DLG2: variants seen among roughly 807,000 people sequenced by gnomAD.
DLG2 encodes discs large MAGUK scaffold protein 2.
In DLG2, 45 loss-of-function variants were observed where a neutral mutation model predicts 132.5. The ratio of observed to expected loss-of-function variants is 0.34; its 90% CI spans 0.27 to 0.44. DLG2 has a LOEUF of 0.44. Among genes scored for constraint, DLG2 ranks in the 20% least tolerant of loss-of-function variants. The pLI is 1.00. For synonymous variants in DLG2, 424 were observed against 419.6 expected, an observed-to-expected ratio of 1.01 and a Z score of -0.13; for missense variants, 1,045 against 1,196.9, an observed-to-expected ratio of 0.87 and a Z score of 1.87.
At chr11:83,904,924 G>T (rs1415693410) in intron 15 of DLG2, among the ~76,000 whole-genome samples, 1 of 152,106 alleles carries the variant, frequency 6.6e-6, no homozygotes, top group Admixed American at 6.6e-5. Context: ...CAGGAGTGAA[G>T]AATCTTCTGT....
intron 6 of DLG2, among the ~76,000 whole-genome samples, chr11:84,673,585 C>A (rs2099708257): frequency 7.1e-6 from 1 of 141,146 alleles, no homozygotes. Flanking sequence ...ACAAAACATC[C>A]AAAAGCCCTA....
At chr11:84,191,801 G>C (rs577877471) in intron 8 of DLG2, among the ~76,000 whole-genome samples, 1 of 152,134 alleles carries the variant, frequency 6.6e-6, no homozygotes, top group African/African-American at 2.4e-5. Flanking sequence ...AGAAAGTGGA[G>C]TGGTAGGGAG....
chr11:85,233,841 T>C (rs769615943), intron 4 of DLG2, among the ~76,000 whole-genome samples: 1 of 151,854 alleles, frequency 6.6e-6, no homozygotes, highest in Non-Finnish European at 1.5e-5. Flanking sequence ...CAATTAGGTA[T>C]TGAGAATGGG....
chr11:83,777,265 C>T (rs1243186333), intron 18 of DLG2, among the ~76,000 whole-genome samples: 1 of 152,176 alleles, frequency 6.6e-6, no homozygotes, highest in Non-Finnish European at 1.5e-5. Context: ...AAGAGATTAT[C>T]TTGAAACAAA....
intron 18 of DLG2, among the ~76,000 whole-genome samples, chr11:83,694,994 A>G (rs768435404): frequency 8.5e-5 from 13 of 152,212 alleles, no homozygotes; most frequent in African/African-American, 1.7e-4. Context: ...ATGCTGATAC[A>G]TTATCCCATG....
At chr11:84,349,226 C>T (rs984399602) in intron 7 of DLG2, among the ~76,000 whole-genome samples, 1 of 152,144 alleles carries the variant, frequency 6.6e-6, no homozygotes, top group East Asian at 1.9e-4. Flanking sequence ...ATTAGTAAAG[C>T]CAGAAGTAGG....
chr11:83,954,577 G>T (rs1043849601), intron 14 of DLG2, among the ~76,000 whole-genome samples: 2 of 152,110 alleles, frequency 1.3e-5, no homozygotes, highest in Non-Finnish European at 2.9e-5. Flanking sequence ...AGAGACATTT[G>T]TTCATGAACC....
intron 6 of DLG2, among the ~76,000 whole-genome samples, chr11:84,657,460 C>A (rs183348710): frequency 1.2e-4 from 19 of 152,216 alleles, no homozygotes; most frequent in Non-Finnish European, 1.6e-4. Flanking sequence ...CACATTGGAC[C>A]AGAAGTCCTC....
intron 24 of DLG2, 43 bp downstream of exon 24, chr11:83,471,583 A>C: frequency 7.1e-7 from 1 of 1,413,482 alleles, no homozygotes; most frequent in Non-Finnish European, 1.0e-6. Context: ...AAGAAATCCA[A>C]GCTCTTTTTG....
chr11:85,348,628 C>A (rs961481060), intron 3 of DLG2, among the ~76,000 whole-genome samples: 5 of 152,054 alleles, frequency 3.3e-5, no homozygotes, highest in African/African-American at 9.7e-5. Context: ...CTCTTTCCCC[C>A]CTCCATGATT....
chr11:84,896,534 T>A (rs985945452), intron 6 of DLG2, among the ~76,000 whole-genome samples: 4 of 152,082 alleles, frequency 2.6e-5, no homozygotes, highest in African/African-American at 9.6e-5. Flanking sequence ...GTATCAATAA[T>A]AACAGAACCT....
intron 17 of DLG2, among the ~76,000 whole-genome samples, chr11:83,815,627 G>A (rs1055654818): frequency 2.6e-5 from 4 of 152,160 alleles, no homozygotes; most frequent in African/African-American, 7.2e-5. Flanking sequence ...GGTGGATGGA[G>A]CAGAGAATGG....
At chr11:84,597,846 C>A (rs1841751663) in intron 6 of DLG2, among the ~76,000 whole-genome samples, 1 of 152,060 alleles carries the variant, frequency 6.6e-6, no homozygotes, top group African/African-American at 2.4e-5. Flanking sequence ...CATTTGAAAC[C>A]ATAACAACAA....
chr11:84,372,159 A>G (rs988862511), intron 7 of DLG2, among the ~76,000 whole-genome samples: 9 of 152,230 alleles, frequency 5.9e-5, no homozygotes, highest in African/African-American at 2.2e-4. Flanking sequence ...TAGGTGCATT[A>G]AAGTATTGTT....
chr11:85,198,867 A>C (rs1178297606), intron 4 of DLG2, among the ~76,000 whole-genome samples: 1 of 152,166 alleles, frequency 6.6e-6, no homozygotes, highest in Non-Finnish European at 1.5e-5. Context: ...TTTTCATGCT[A>C]GATTCACTGG....
chr11:83,493,340 C>CTTCCTTCT (rs2093968896), intron 21 of DLG2, among the ~76,000 whole-genome samples: 1 of 5,462 alleles, frequency 1.8e-4, no homozygotes, highest in Non-Finnish European at 4.4e-4. Context: ...TCTTTCTTTC[C>CTTCCTTCT]TTCCTTCCTT....
At chr11:84,746,941 CA>C (rs1006343262) in intron 6 of DLG2, among the ~76,000 whole-genome samples, 2 of 152,180 alleles carry the variant, frequency 1.3e-5, no homozygotes, top group Non-Finnish European at 2.9e-5. Flanking sequence ...CTCAGAAGAT[CA>C]AATCCAACTT....
chr11:83,507,988 T>G (rs75561568), intron 21 of DLG2, among the ~76,000 whole-genome samples: 1 of 151,494 alleles, frequency 6.6e-6, no homozygotes, highest in South Asian at 2.1e-4. Flanking sequence ...CAGTCTAGTC[T>G]TTTCACATTT....
intron 14 of DLG2, among the ~76,000 whole-genome samples, chr11:83,946,113 C>A (rs891199751): frequency 1.3e-5 from 2 of 151,738 alleles, no homozygotes; most frequent in Non-Finnish European, 2.9e-5. Context: ...CCTCAGCCGC[C>A]GGAGTGGCTG....
Sources: allele counts gnomAD v4.1 joint callset (sites outside exome capture counted in the v4.1 genomes callset), GRCh38; gene constraint gnomAD v4.1.1; transcripts MANE v1.5; gene names NCBI Gene and HGNC (gene_info 2026-07-23, HGNC 2026-07-21).